TNFRSF19: variants seen among roughly 807,000 people sequenced by gnomAD.
The protein encoded by TNFRSF19 is tumor necrosis factor receptor superfamily member 19.
A neutral mutation model predicts 46.4 loss-of-function variants in TNFRSF19; 27 were observed. The observed-to-expected ratio is 0.58, with a 90% CI of 0.43 to 0.80. TNFRSF19 has a LOEUF of 0.80. TNFRSF19 is among the 30% of genes least tolerant of loss of function. The pLI is 0.00. For synonymous variants in TNFRSF19, 204 were observed against 205.0 expected, an observed-to-expected ratio of 1.00 and a Z score of 0.04; for missense variants, 511 against 530.8, an observed-to-expected ratio of 0.96 and a Z score of 0.37.
intron 4 of TNFRSF19, among the ~76,000 whole-genome samples, chr13:23,618,637 C>CAAGA (rs1338138598): frequency 1.3e-5 from 2 of 152,190 alleles, no homozygotes; most frequent in African/African-American, 2.4e-5. Flanking sequence ...AGAGTTACCA[C>CAAGA]GTGACCTGAC....
intron 1 of TNFRSF19, among the ~76,000 whole-genome samples, chr13:23,574,442 G>A (rs944442832): frequency 6.8e-6 from 1 of 147,558 alleles, no homozygotes; most frequent in Non-Finnish European, 1.5e-5. Context: ...CCAAAATTTT[G>A]GCCAAAAATA....
At chr13:23,647,227 G>T (rs1457583361) in intron 5 of TNFRSF19, among the ~76,000 whole-genome samples, 1 of 151,948 alleles carries the variant, frequency 6.6e-6, no homozygotes, top group Non-Finnish European at 1.5e-5. Context: ...CTGCTCTGTG[G>T]GCTGTCATTT....
chr13:23,609,456 A>G (rs1010869744), intron 3 of TNFRSF19, among the ~76,000 whole-genome samples: 2 of 152,154 alleles, frequency 1.3e-5, no homozygotes, highest in Non-Finnish European at 2.9e-5. Context: ...TTTAATTCTT[A>G]CTGCCTAGAA....
Position 23,668,077 on chromosome 13 carries a change from G to C in TNFRSF19, c.834G>C (p.Gln278His). The C allele has an allele frequency of 6.2e-7, 1 of 1,603,566 alleles. No individual in the cohort carries two copies. The highest frequency in any genetic ancestry group is 8.5e-7 in the Non-Finnish European group (1 of 1,175,090). ...GGGTGCATTCTGCAGCCAGTCTTCA[G>C]GCAAGGTAACTAGGTGCTTTCAATC... The part of the protein sequence containing the change: ...GCGVHSAASL[Q>H]ARNAGPAGEM... Residue 278 changes from glutamine to histidine, a missense_variant, in exon 8 of 10, where the codon CAG becomes CAC. Around this residue, in one of 3 missense-constraint regions of TNFRSF19, gnomAD observed 376 missense variants for 372.7 expected, o/e 1.01. Transcript: ENST00000248484.
chr13:23,637,898 G>T (rs2138326982), intron 5 of TNFRSF19, among the ~76,000 whole-genome samples: 1 of 152,348 alleles, frequency 6.6e-6, no homozygotes, highest in Middle Eastern at 3.4e-3. Context: ...AGGGGCTGGA[G>T]GCCGGAGCCC....
At chr13:23,578,148 G>T (rs975251375) in intron 1 of TNFRSF19, among the ~76,000 whole-genome samples, 12 of 152,172 alleles carry the variant, frequency 7.9e-5, no homozygotes, top group Non-Finnish European at 1.3e-4. Context: ...AACAGATAAA[G>T]AAGTTCAGCG....
At chr13:23,603,128 G>A (rs530250936) in intron 3 of TNFRSF19, among the ~76,000 whole-genome samples, 4 of 151,884 alleles carry the variant, frequency 2.6e-5, no homozygotes, top group African/African-American at 9.6e-5. Context: ...ATAAGGGAGA[G>A]GACACAAAGT....
intron 4 of TNFRSF19, among the ~76,000 whole-genome samples, chr13:23,626,220 TGTGG>T (rs1485790513): frequency 2.1e-5 from 3 of 146,026 alleles, no homozygotes; most frequent in African/African-American, 7.7e-5. Context: ...TGTGTGTGTG[TGTGG>T]TTGCTGTTCA....
chr13:23,632,841 G>A (rs1566199203), intron 5 of TNFRSF19, among the ~76,000 whole-genome samples: 1 of 152,178 alleles, frequency 6.6e-6, no homozygotes, highest in Non-Finnish European at 1.5e-5. Flanking sequence ...GAAGAGAGAG[G>A]AGAAGCTAAT....
chr13:23,622,082 G>A (rs1379398730), intron 4 of TNFRSF19, among the ~76,000 whole-genome samples: 1 of 152,096 alleles, frequency 6.6e-6, no homozygotes, highest in Non-Finnish European at 1.5e-5. Context: ...TTTCTAAATA[G>A]CATTTCTTAT....
intron 1 of TNFRSF19, among the ~76,000 whole-genome samples, chr13:23,575,136 G>C (rs924372962): frequency 6.6e-6 from 1 of 152,206 alleles, no homozygotes; most frequent in Non-Finnish European, 1.5e-5. Context: ...CCAGCCCTAG[G>C]TCGGGGAGTC....
At chr13:23,661,119 G>A (rs1407004012) in intron 7 of TNFRSF19, among the ~76,000 whole-genome samples, 2 of 152,108 alleles carry the variant, frequency 1.3e-5, no homozygotes, top group African/African-American at 2.4e-5. Flanking sequence ...GATGTTACAC[G>A]TTTATTTTAC....
chr13:23,598,350 G>A (rs979186215), intron 3 of TNFRSF19, among the ~76,000 whole-genome samples: 5 of 152,060 alleles, frequency 3.3e-5, no homozygotes, highest in Admixed American at 2.0e-4. Flanking sequence ...AAACCTGCAC[G>A]TTCTGCACAT....
intron 5 of TNFRSF19, among the ~76,000 whole-genome samples, chr13:23,640,804 T>C (rs906077129): frequency 3.3e-4 from 50 of 152,214 alleles, no homozygotes; most frequent in African/African-American, 8.2e-4. Context: ...ATGTTGATAG[T>C]AGAACTAAAA....
intron 5 of TNFRSF19, among the ~76,000 whole-genome samples, chr13:23,632,397 AAGACAATG>A (rs1882410864): frequency 6.6e-6 from 1 of 152,184 alleles, no homozygotes; most frequent in Non-Finnish European, 1.5e-5. Flanking sequence ...AGGGAATAGG[AAGACAATG>A]AGATCAAAGG....
intron 4 of TNFRSF19, among the ~76,000 whole-genome samples, chr13:23,625,143 CT>C (rs1447963013): frequency 2.0e-5 from 3 of 152,106 alleles, no homozygotes; most frequent in Non-Finnish European, 4.4e-5. Context: ...ATATGCATTC[CT>C]TTGTTTTCAC....
intron 3 of TNFRSF19, among the ~76,000 whole-genome samples, chr13:23,608,434 A>G (rs534389043): frequency 1.3e-5 from 2 of 152,354 alleles, no homozygotes; most frequent in South Asian, 4.1e-4. Context: ...AGGGAATATA[A>G]CCATCCCCAT....
At chr13:23,587,264 A>C (rs1878912274) in intron 1 of TNFRSF19, among the ~76,000 whole-genome samples, 1 of 152,148 alleles carries the variant, frequency 6.6e-6, no homozygotes, top group African/African-American at 2.4e-5. Flanking sequence ...TATTTCATTA[A>C]ATTTTCCTTC....
rs148217323 is a variant in TNFRSF19 at position 23,617,101 on chromosome 13, C to T, written c.359+1056C>T. ...GCAAAGGCTTGAAGGAGACGAGGCA[C>T]GGAGCCAAGCAGAGAGGTGGGGAAG... On this transcript the variant is annotated intron_variant, in intron 4 of 9. Coordinates refer to ENST00000248484, the MANE Select transcript of TNFRSF19 (RefSeq NM_148957.4). Among the ~76,000 whole-genome samples, 70 of 151,922 alleles carry T rather than the reference C, an allele frequency of 4.6e-4. No homozygotes were observed. The South Asian group carries it at 7.1e-3, about 15-fold the overall frequency.
Sources: allele counts gnomAD v4.1 joint callset (sites outside exome capture counted in the v4.1 genomes callset), GRCh38; gene constraint gnomAD v4.1.1; regional missense constraint gnomAD v4.1.1; transcripts MANE v1.5; gene names NCBI Gene and HGNC (gene_info 2026-07-23, HGNC 2026-07-21).